UGT2B17: variants seen among roughly 807,000 people sequenced by gnomAD.
The protein encoded by UGT2B17 is UDP glucuronosyltransferase family 2 member B17.
Under a neutral mutation model 48.2 loss-of-function variants are expected in UGT2B17, and 21 were observed. That is an observed-to-expected ratio of 0.44 (90% CI 0.31 to 0.63). UGT2B17 has a LOEUF of 0.63. Ranked by LOEUF, UGT2B17 falls within the 20% of genes least tolerant of loss-of-function variation. The pLI is 0.08. For synonymous variants in UGT2B17, 146 were observed against 238.4 expected, an observed-to-expected ratio of 0.61 and a Z score of 3.57; for missense variants, 402 against 696.1, an observed-to-expected ratio of 0.58 and a Z score of 4.75.
chr4:68,545,194 T>A lies in UGT2B17; in HGVS notation c.1313+5483A>T, dbSNP rs1310272094. 1.6e-5 allele frequency among the ~76,000 whole-genome samples: 2 copies of A among 125,640 alleles called. 1 individual carries two copies. Among genetic ancestry groups the A allele is most frequent in the Non-Finnish European group, 3.4e-5 (2 of 59,496 alleles). The allele number at this position is 125,640 out of a possible 152,430, so 82.4% of individuals were successfully genotyped here. On this transcript the variant is annotated intron_variant, in intron 6 of 6. Transcript: ENST00000317746. Reference sequence around the variant, plus strand: ...TGGAAGTAAAGCACTCCTCAGCAAATGTAAAAGAACAGAAATTATAACAAA... The same window carrying A: ...TGGAAGTAAAGCACTCCTCAGCAAAAGTAAAAGAACAGAAATTATAACAAA...
rs1341047656 is a variant in UGT2B17, at chr4:68,546,897, C to A, written c.1313+3780G>T. ...ATGTGAAGGACCTCTTCAAGGAGAA[C>A]TACAAACCACTGCTCAAGGAAATAA... is the stretch of plus-strand genomic sequence containing the variant. On this transcript the variant is annotated intron_variant, in intron 6 of 6. Transcript: ENST00000317746. Among the ~76,000 whole-genome samples, 10 of 124,248 alleles carry A rather than the reference C, an allele frequency of 8.0e-5. 2 individuals are homozygous for A. The highest frequency in any genetic ancestry group is 1.7e-4 in the Non-Finnish European group (10 of 59,000). The allele number at this position is 124,248 out of a possible 152,430, so 81.5% of individuals were successfully genotyped here. A position where few individuals can be genotyped will look rare whatever the true frequency, so the allele number is the denominator to read the frequency against.
rs1045442953 is a variant in UGT2B17 at position 68,560,730 on chromosome 4, G to C, written c.874-62C>G. ...ACAGCACAGAAAACACTGTTGACAG[G>C]ATTGTTACAAACATCTAAGATGAGA... On this transcript the variant is annotated intron_variant, in intron 3 of 6. Coordinates refer to ENST00000317746, the MANE Select transcript of UGT2B17 (RefSeq NM_001077.4). 25 of 1,100,122 alleles carry C rather than the reference G, an allele frequency of 2.3e-5. 2 individuals are homozygous for C. Among genetic ancestry groups the C allele is most frequent in the Admixed American group, 1.7e-4 (6 of 34,930 alleles). 68.1% of individuals were successfully genotyped at this position (1,100,122 alleles called of 1,614,324 possible).
Position 68,547,836 on chromosome 4 carries a change from C to A in UGT2B17, c.1313+2841G>T, listed in dbSNP as rs148721966. On this transcript the variant is annotated intron_variant, in intron 6 of 6. Coordinates refer to ENST00000317746, the MANE Select transcript of UGT2B17 (RefSeq NM_001077.4). ...AGACATATGAAAAAATGCTCATCAT[C>A]GCTGGCCATCAGAGAAATGCAAATC... Among the ~76,000 whole-genome samples, 6 of 126,672 alleles carry A rather than the reference C, an allele frequency of 4.7e-5. 1 individual carries two copies. In the Admixed American group the frequency reaches 4.8e-4, roughly 10 times the overall value. 83.1% of individuals were successfully genotyped at this position (126,672 alleles called of 152,430 possible). A position where few individuals can be genotyped will look rare whatever the true frequency, so the allele number is the denominator to read the frequency against.
chr4:68,567,753 C>G lies in UGT2B17; in HGVS notation c.724+8G>C, dbSNP rs375390234. On this transcript the variant is annotated splice_region_variant and intron_variant, in intron 2 of 6. Coordinates refer to ENST00000317746, the MANE Select transcript of UGT2B17 (RefSeq NM_001077.4). ...ACTTAATAAACACCAATTGGACACA[C>G]GACTTACCTAGAACTTCACTATAAA... is the stretch of plus-strand genomic sequence containing the variant. 1.1e-5 allele frequency: 15 copies of G among 1,309,774 alleles called. 4 individuals are homozygous for G. Among genetic ancestry groups the G allele is most frequent in the Non-Finnish European group, 1.5e-5 (15 of 1,023,964 alleles). 81.1% of individuals were successfully genotyped at this position (1,309,774 alleles called of 1,614,324 possible).
At chr4:68,575,796 C>T (rs28879970) in intron 1 of UGT2B17, among the ~76,000 whole-genome samples, 155 bp downstream of exon 1, 8,520 of 124,834 alleles carry the variant, frequency 0.068, 2,180 homozygotes, top group African/African-American at 0.22. Context: ...TGCTACACTT[C>T]CATTCAGGTG....
rs759750894 is a variant in UGT2B17 at position 68,541,527 on chromosome 4, GT to G, written c.1314-3624del. Among the ~76,000 whole-genome samples the G allele has an allele frequency of 3.6e-4, 45 of 125,950 alleles. 7 individuals carry two copies. The highest frequency in any genetic ancestry group is 8.1e-4 in the Admixed American group (10 of 12,314). The allele number at this position is 125,950 out of a possible 152,430, so 82.6% of individuals were successfully genotyped here. On this transcript the variant is annotated intron_variant, in intron 6 of 6. Coordinates refer to ENST00000317746, the MANE Select transcript of UGT2B17 (RefSeq NM_001077.4). ...TCTTGTAAATTTGTTTAAGTTACTT[GT>G]AGATTCTGGATATTGGACCTTTGTC... is the stretch of plus-strand genomic sequence containing the variant.
At chr4:68,573,421 G>T (rs564064759) in intron 1 of UGT2B17, among the ~76,000 whole-genome samples, 1 of 123,728 alleles carries the variant, frequency 8.1e-6, no homozygotes, top group African/African-American at 2.8e-5. Flanking sequence ...GGTTGTAATA[G>T]ATGTAGTTTA....
At chr4:68,553,982 T>C (rs1178496379) in intron 4 of UGT2B17, among the ~76,000 whole-genome samples, 1 of 124,990 alleles carries the variant, frequency 8.0e-6, no homozygotes, top group Non-Finnish European at 1.7e-5. Flanking sequence ...CCCTATGACA[T>C]GCAGTGGTCC....
intron 6 of UGT2B17, among the ~76,000 whole-genome samples, chr4:68,546,550 A>C (rs1457528256): frequency 7.9e-6 from 1 of 126,134 alleles, no homozygotes; most frequent in African/African-American, 2.7e-5. Flanking sequence ...ACTCCTATTC[A>C]ACACAGTGTT....
chr4:68,564,541 G>A (rs1237465002), intron 3 of UGT2B17, among the ~76,000 whole-genome samples: 1 of 121,978 alleles, frequency 8.2e-6, no homozygotes, highest in African/African-American at 2.8e-5. Context: ...CGCCTGCCTC[G>A]GCCTCCCAAA....
Position 68,570,353 on chromosome 4 carries a change from T to C in UGT2B17, c.-64-1805A>G, listed in dbSNP as rs1307594665. Among the ~76,000 whole-genome samples, 2 of 126,810 alleles carry C rather than the reference T, an allele frequency of 1.6e-5. 1 individual carries two copies. Among genetic ancestry groups the C allele is most frequent in the Admixed American group, 1.6e-4 (2 of 12,524 alleles). The allele number at this position is 126,810 out of a possible 152,430, so 83.2% of individuals were successfully genotyped here. ...TTTTACAGTGTTCTTCTGTACAATGTCTGGAATCTCTGAATAACATCGGTT... is the reference window on the plus strand; with the variant it reads ...TTTTACAGTGTTCTTCTGTACAATGCCTGGAATCTCTGAATAACATCGGTT... On this transcript the variant is annotated intron_variant, in intron 1 of 6. Transcript: ENST00000317746.
At chr4:68,558,151 G>A (rs1731036008) in intron 4 of UGT2B17, among the ~76,000 whole-genome samples, 2 of 122,608 alleles carry the variant, frequency 1.6e-5, no homozygotes, top group South Asian at 3.9e-4. Flanking sequence ...GTATAATAAA[G>A]CAAATCAGTT....
chr4:68,573,708 A>G (rs1281259858), intron 1 of UGT2B17, among the ~76,000 whole-genome samples: 1 of 126,692 alleles, frequency 7.9e-6, no homozygotes, highest in Admixed American at 8.1e-5. Context: ...CAGAGTGCCT[A>G]GTAAAGGTCC....
chr4:68,565,787 A>G (rs1731187962), intron 2 of UGT2B17, 67 bp from the exon 3 acceptor site: 2 of 1,266,936 alleles, frequency 1.6e-6, no homozygotes, highest in South Asian at 4.6e-5. Context: ...AATATTGAAT[A>G]TGCAGGTATT....
intron 4 of UGT2B17, 30 bp from the exon 5 acceptor site, chr4:68,551,941 A>C: frequency 1.6e-6 from 2 of 1,224,590 alleles, no homozygotes; most frequent in South Asian, 2.0e-5. Context: ...ATCTTGTTCA[A>C]TGAATAGAAC....
In UGT2B17 at chr4:68,537,563, C is replaced by T. The variant is rs1476887177; in HGVS notation, c.*62G>A. The T allele has an allele frequency of 5.0e-5, 62 of 1,238,956 alleles. 13 individuals are homozygous for T. The highest frequency in any genetic ancestry group is 6.2e-5 in the Non-Finnish European group (60 of 967,342). 76.7% of individuals were successfully genotyped at this position (1,238,956 alleles called of 1,614,324 possible). On this transcript the variant is annotated 3_prime_UTR_variant, in exon 7 of 7. Transcript: ENST00000317746. ...AAGGAAATCCTCCATTTAAAACCCT[C>T]CATGCTGGAATAAAGGAGGAGTCCC...
Position 68,565,823 on chromosome 4 carries a change from A to G in UGT2B17, c.725-103T>C, listed in dbSNP as rs548409396. On this transcript the variant is annotated intron_variant, in intron 2 of 6. Transcript: ENST00000317746. ...TTCCTGAAAGGACTTGGAATAACAT[A>G]CCTAAAAATATATAAAATGTCTGCA... is the stretch of plus-strand genomic sequence containing the variant. The G allele has an allele frequency of 6.5e-5, 64 of 984,048 alleles. 12 individuals are homozygous for G. The Admixed American group carries it at 7.7e-4, about 12-fold the overall frequency. 61.0% of individuals were successfully genotyped at this position (984,048 alleles called of 1,614,324 possible).
chr4:68,566,492 G>C (rs1176209465), intron 2 of UGT2B17, among the ~76,000 whole-genome samples: 1 of 125,046 alleles, frequency 8.0e-6, no homozygotes, highest in Non-Finnish European at 1.7e-5. Context: ...CCTCCATGCT[G>C]TTCTCATGAT....
chr4:68,551,711 T>A lies in UGT2B17; in HGVS notation c.1093+113A>T, dbSNP rs1463662184. ...TAAATATAAAGTAGTTAAATTTGATTTTTTTTTAGTTTTCCAATAATAAAT... is the reference window on the plus strand; with the variant it reads ...TAAATATAAAGTAGTTAAATTTGATATTTTTTTAGTTTTCCAATAATAAAT... On this transcript the variant is annotated intron_variant, in intron 5 of 6. Transcript: ENST00000317746. 4 of 768,808 alleles carry A rather than the reference T, an allele frequency of 5.2e-6. 1 individual carries two copies. In the African/African-American group the frequency reaches 7.5e-5, roughly 14 times the overall value. The allele number at this position is 768,808 out of a possible 1,614,324, so 47.6% of individuals were successfully genotyped here.
Sources: allele counts gnomAD v4.1 joint callset (sites outside exome capture counted in the v4.1 genomes callset), GRCh38; gene constraint gnomAD v4.1.1; transcripts MANE v1.5; gene names NCBI Gene and HGNC (gene_info 2026-07-23, HGNC 2026-07-21).